The following ACSM2B variants were observed in gnomAD, a reference collection of about 807,000 sequenced individuals.
ACSM2B encodes acyl-CoA synthetase medium chain family member 2B, also known as acyl-coenzyme A synthetase ACSM2B, mitochondrial.
A neutral mutation model predicts 78.6 loss-of-function variants in ACSM2B; 58 were observed. The observed-to-expected ratio is 0.74, with a 90% CI of 0.60 to 0.92. ACSM2B has a LOEUF of 0.92. ACSM2B is among the 40% of genes least tolerant of loss of function. The probability of loss-of-function intolerance (pLI) is 0.00; values close to 1 mark genes in which losing one functional copy is unlikely to be tolerated. For synonymous variants in ACSM2B, 257 were observed against 256.8 expected (o/e 1.00, Z -0.01); for missense variants, 688 against 711.2 (o/e 0.97, Z 0.37).
At chr16:20,572,978 T>C (rs186676457) in intron 1 of ACSM2B, among the ~76,000 whole-genome samples, 3,643 of 150,556 alleles carry the variant, frequency 0.024, 158 homozygotes, top group African/African-American at 0.086. Flanking sequence ...ACTTGTATTT[T>C]TTTTTTTTTC....
chr16:20,568,749 T>A (rs1423734247), intron 1 of ACSM2B, among the ~76,000 whole-genome samples: 4 of 151,946 alleles, frequency 2.6e-5, no homozygotes, highest in Non-Finnish European at 4.4e-5. Context: ...TGTTTTTTTA[T>A]AATGACCATT....
At chr16:20,567,948 T>C (rs1178711394) in intron 1 of ACSM2B, among the ~76,000 whole-genome samples, 3 of 143,628 alleles carry the variant, frequency 2.1e-5, no homozygotes, top group Non-Finnish European at 4.6e-5. Flanking sequence ...TTTATATATT[T>C]GTACATATTT....
Position 20,546,424 on chromosome 16 carries a change from C to T in ACSM2B, c.1149G>A (p.Met383Ile), listed in dbSNP as rs961562202. ...CATCATAACAGGAAGCAGCCGTTCC[C>T]ATGTATCCTGGTTTGATTTTCATTG... is the stretch of plus-strand genomic sequence containing the variant. ...SKTMKIKPGY[M>I]GTAASCYDVQ... Residue 383 changes from methionine (M) to isoleucine (I), a missense_variant, in exon 9 of 14, where the codon ATG (methionine) becomes ATA (isoleucine). Coordinates refer to ENST00000329697, the MANE Select transcript of ACSM2B (RefSeq NM_001105069.2). 3 of 1,609,370 alleles carry T rather than the reference C, an allele frequency of 1.9e-6. No homozygotes were observed. In the African/African-American group the frequency reaches 4.0e-5, roughly 22 times the overall value.
rs1267652528 is a variant in ACSM2B, at chr16:20,548,050, G to A, written c.1098+12C>T. The A allele has an allele frequency of 6.2e-7, 1 of 1,613,834 alleles. No individual in the cohort carries two copies. Among genetic ancestry groups the A allele is most frequent in the South Asian group, 1.1e-5 (1 of 91,072 alleles). On this transcript the variant is annotated intron_variant, in intron 8 of 13. Transcript: ENST00000329697. ...AGTGCACACAGCCCATGGTTCCCCT[G>A]GGAACAGGTACCGTTTCTGTCTGGC...
intron 1 of ACSM2B, among the ~76,000 whole-genome samples, chr16:20,572,983 T>C (rs1343184143): frequency 6.6e-6 from 1 of 151,478 alleles, no homozygotes; most frequent in African/African-American, 2.4e-5. Flanking sequence ...TATTTTTTTT[T>C]TTTTCCTTAA....
At chr16:20,566,676 CATAT>C (rs1456982077) in intron 1 of ACSM2B, among the ~76,000 whole-genome samples, 2 of 5,600 alleles carry the variant, frequency 3.6e-4, no homozygotes, top group African/African-American at 9.7e-4. Flanking sequence ...ATAGTATATA[CATAT>C]AGTATATACT....
intron 9 of ACSM2B, among the ~76,000 whole-genome samples, chr16:20,545,769 C>G (rs1280518907): frequency 6.6e-6 from 1 of 152,162 alleles, no homozygotes; most frequent in African/African-American, 2.4e-5. Context: ...TGGCAAGTAA[C>G]TGGATATGAC....
At chr16:20,549,102 G>A (rs1164272463) in intron 6 of ACSM2B, among the ~76,000 whole-genome samples, 1 of 152,098 alleles carries the variant, frequency 6.6e-6, no homozygotes, top group Non-Finnish European at 1.5e-5. Context: ...AACCCATGAT[G>A]TACAAGGTTA....
At chr16:20,568,093 CAGA>C in intron 1 of ACSM2B, among the ~76,000 whole-genome samples, 1 of 141,602 alleles carries the variant, frequency 7.1e-6, no homozygotes, top group Non-Finnish European at 1.5e-5. Context: ...ACTGCCTTCA[CAGA>C]AGATGATATA....
intron 1 of ACSM2B, among the ~76,000 whole-genome samples, chr16:20,568,308 T>C (rs2015991511): frequency 6.9e-6 from 1 of 144,320 alleles, no homozygotes; most frequent in South Asian, 2.1e-4. Context: ...ATACATACTA[T>C]TATATATTAT....
At chr16:20,555,125 A>T in intron 4 of ACSM2B, 144 bp downstream of exon 4, 1 of 1,360,056 alleles carries the variant, frequency 7.4e-7, no homozygotes, top group Non-Finnish European at 1.0e-6. Flanking sequence ...AAACCCTTGT[A>T]TTAGCTTTTA....
chr16:20,540,213 G>GA (rs2014946072), intron 13 of ACSM2B, among the ~76,000 whole-genome samples: 1 of 76,666 alleles, frequency 1.3e-5, no homozygotes, highest in Non-Finnish European at 2.9e-5. Context: ...AGGAAGAGTT[G>GA]TTTTTTTTTT....
intron 2 of ACSM2B, among the ~76,000 whole-genome samples, chr16:20,559,869 ACT>A (rs2015597725): frequency 6.6e-6 from 1 of 150,882 alleles, no homozygotes; most frequent in Admixed American, 6.6e-5. Flanking sequence ...TTCTGCATTC[ACT>A]CTGTTGTGAG....
At chr16:20,542,843 T>A in intron 12 of ACSM2B, 71 bp downstream of exon 12, 1 of 1,588,808 alleles carries the variant, frequency 6.3e-7, no homozygotes, top group Non-Finnish European at 8.6e-7. Flanking sequence ...CAGTCCCTGT[T>A]CTTAAACCAT....
intron 8 of ACSM2B, chr16:20,547,834 G>T (rs551273440): frequency 3.1e-4 from 362 of 1,149,800 alleles, no homozygotes; most frequent in African/African-American, 2.6e-3. Flanking sequence ...TTAGTTTATT[G>T]TCTCTCTCCC....
Position 20,540,764 on chromosome 16 carries a change from C to G in ACSM2B, c.1519G>C (p.Ala507Pro), listed in dbSNP as rs1169723882. Residue 507 changes from alanine to proline, a missense_variant, in exon 13 of 14, where the codon GCA becomes CCA. Ala to Pro is a conservative substitution (Grantham distance 27). Transcript: ENST00000329697. ...AACTGCGAGGCCAGGATCACAAATGCCTTCACCACCTGCAAAATAGATGAA... is the reference window on the plus strand; with the variant it reads ...AACTGCGAGGCCAGGATCACAAATGGCTTCACCACCTGCAAAATAGATGAA... ...PDPVRGEVVK[A>P]FVILASQFLS... The G allele has an allele frequency of 6.2e-7, 1 of 1,613,762 alleles. No homozygotes were observed. The highest frequency in any genetic ancestry group is 1.1e-5 in the South Asian group (1 of 91,066).
intron 2 of ACSM2B, among the ~76,000 whole-genome samples, chr16:20,561,490 C>G (rs1024635093): frequency 4.0e-5 from 6 of 151,562 alleles, no homozygotes; most frequent in African/African-American, 1.5e-4. Flanking sequence ...TCACTCATAA[C>G]GAAGGGGATG....
intron 5 of ACSM2B, among the ~76,000 whole-genome samples, chr16:20,553,241 T>C (rs562296369): frequency 1.3e-5 from 2 of 152,330 alleles, no homozygotes; most frequent in South Asian, 4.1e-4. Flanking sequence ...TTTATAGATA[T>C]CATTGCTTGA....
rs940885094 is a variant in ACSM2B, at chr16:20,537,497, G to A, written c.1630-135C>T. ...GGGTAGCCGCCCTGTGCAATAAGAAGCTTCAGAAGGTGCTCTGGGATGAGG... is the reference window on the plus strand; with the variant it reads ...GGGTAGCCGCCCTGTGCAATAAGAAACTTCAGAAGGTGCTCTGGGATGAGG... On this transcript the variant is annotated intron_variant, in intron 13 of 13. Coordinates refer to ENST00000329697, the MANE Select transcript of ACSM2B (RefSeq NM_001105069.2). The A allele has an allele frequency of 9.1e-6, 8 of 877,152 alleles. No homozygotes were observed. The African/African-American group carries it at 1.2e-4, about 13-fold the overall frequency. 54.3% of individuals were successfully genotyped at this position (877,152 alleles called of 1,614,324 possible). A position where few individuals can be genotyped will look rare whatever the true frequency, so the allele number is the denominator to read the frequency against.
Sources: gnomAD v4.1 joint callset for allele counts (sites outside exome capture counted in the v4.1 genomes callset) on GRCh38, gnomAD v4.1.1 for gene constraint, MANE v1.5 for transcripts, NCBI Gene and HGNC (gene_info 2026-07-23, HGNC 2026-07-21) for gene names.